GBP6: variants seen among roughly 807,000 people sequenced by gnomAD.
The protein encoded by GBP6 is guanylate binding protein family member 6.
A neutral mutation model predicts 61.5 loss-of-function variants in GBP6; 54 were observed. The ratio of observed to expected loss-of-function variants is 0.88; its 90% CI spans 0.71 to 1.10. The LOEUF (loss-of-function observed/expected upper bound fraction) is 1.10, where lower values mean the gene tolerates loss of function less well. Among genes scored for constraint, GBP6 ranks in the 50% least tolerant of loss-of-function variants. The probability of loss-of-function intolerance (pLI) is 0.00; values close to 1 mark genes in which losing one functional copy is unlikely to be tolerated. For missense variants in GBP6, 748 were observed against 752.8 expected (o/e 0.99, Z 0.07); for synonymous variants, 255 against 273.7 (o/e 0.93, Z 0.67).
intron 1 of GBP6, among the ~76,000 whole-genome samples, chr1:89,366,216 T>A (rs980908267): frequency 1.4e-4 from 22 of 152,228 alleles, no homozygotes; most frequent in Non-Finnish European, 2.8e-4. Flanking sequence ...ATATCTATAA[T>A]TTATCTCCAT....
chr1:89,367,850 G>A (rs2100656866), intron 1 of GBP6, among the ~76,000 whole-genome samples: 1 of 152,314 alleles, frequency 6.6e-6, no homozygotes, highest in South Asian at 2.1e-4. Flanking sequence ...GAACTGGGAA[G>A]TGAAAAACCA....
Position 89,369,635 on chromosome 1 carries a change from G to A in GBP6, c.280G>A (p.Val94Ile). Residue 94 changes from valine (V) to isoleucine (I), a missense_variant, in exon 3 of 11, where the codon GTC (valine) becomes ATC (isoleucine). Transcript: ENST00000370456. ...CCCATCCAAGCCAAACCACACCCTG[G>A]TCCTTCTGGACACCGAAGGTCTGGG... The part of the protein sequence containing the change: ...PHPSKPNHTL[V>I]LLDTEGLGDV... 6.2e-7 allele frequency: 1 copy of A among 1,614,052 alleles called. No homozygotes were observed. The highest frequency in any genetic ancestry group is 2.2e-5 in the East Asian group (1 of 44,876).
intron 3 of GBP6, among the ~76,000 whole-genome samples, chr1:89,371,846 T>A (rs1652653522): frequency 6.6e-6 from 1 of 152,184 alleles, no homozygotes; most frequent in South Asian, 2.1e-4. Context: ...ATAAAGGGTA[T>A]TCAATTAGGA....
intron 3 of GBP6, among the ~76,000 whole-genome samples, chr1:89,376,744 A>G (rs1273164347): frequency 6.6e-6 from 1 of 152,122 alleles, no homozygotes; most frequent in Non-Finnish European, 1.5e-5. Flanking sequence ...TATTTATTTA[A>G]GAATATTATT....
intron 5 of GBP6, among the ~76,000 whole-genome samples, chr1:89,380,111 C>T (rs972964161): frequency 6.6e-6 from 1 of 152,136 alleles, no homozygotes; most frequent in Non-Finnish European, 1.5e-5. Flanking sequence ...GCCCTCTAGC[C>T]TGGGCAATAG....
intron 1 of GBP6, among the ~76,000 whole-genome samples, chr1:89,365,984 T>G (rs568983281): frequency 2.5e-4 from 38 of 152,174 alleles, no homozygotes; most frequent in Non-Finnish European, 4.1e-4. Flanking sequence ...GAAAACCATT[T>G]TAATATAATG....
In GBP6 at chr1:89,370,823, T is replaced by C. The variant is rs576047479; in HGVS notation, c.318+1150T>C. On this transcript the variant is annotated intron_variant, in intron 3 of 10. Coordinates refer to ENST00000370456, the MANE Select transcript of GBP6 (RefSeq NM_198460.3). ...CGTTTTCTTTTTTCTATGCTCTCTT[T>C]TTATTTTTTGGTGTGGTAAGAACAA... 1.5e-3 allele frequency among the ~76,000 whole-genome samples: 225 copies of C among 152,336 alleles called. 1 individual carries two copies. Among genetic ancestry groups the C allele is most frequent in the Non-Finnish European group, 2.6e-3 (175 of 68,028 alleles).
chr1:89,375,295 A>C (rs997805084), intron 3 of GBP6, among the ~76,000 whole-genome samples: 4 of 152,214 alleles, frequency 2.6e-5, no homozygotes, highest in African/African-American at 9.6e-5. Flanking sequence ...CATTACAGAA[A>C]TCCAAATGGA....
chr1:89,369,575 G>A lies in GBP6; in HGVS notation c.220G>A (p.Glu74Lys). The change falls in exon 3 of 11, where the codon GAA (glutamate) becomes AAA (lysine). Residue 74 changes from glutamate (E) to lysine (K), a missense_variant. Coordinates refer to ENST00000370456, the MANE Select transcript of GBP6 (RefSeq NM_198460.3). ...CCCTCTGGGCTCCACGGTGCAGTCT[G>A]AAACCAAGGGCATCTGGATGTGGTG... The part of the protein sequence containing the change: ...GFPLGSTVQS[E>K]TKGIWMWCVP... 6.2e-7 allele frequency: 1 copy of A among 1,614,068 alleles called. No individual in the cohort carries two copies. Among genetic ancestry groups the A allele is most frequent in the Non-Finnish European group, 8.5e-7 (1 of 1,179,962 alleles).
intron 8 of GBP6, 42 bp from the exon 9 acceptor site, chr1:89,383,610 A>C (rs753793898): frequency 2.3e-5 from 32 of 1,379,680 alleles, no homozygotes; most frequent in Non-Finnish European, 3.2e-5. Context: ...CCCAGAACAT[A>C]GATTTTCAAA....
At chr1:89,365,995 G>T (rs754597158) in intron 1 of GBP6, among the ~76,000 whole-genome samples, 2 of 152,064 alleles carry the variant, frequency 1.3e-5, no homozygotes, top group African/African-American at 2.4e-5. Flanking sequence ...TAATATAATG[G>T]CAATAAAAAT....
chr1:89,383,224 A>AT (rs11436969), intron 8 of GBP6, among the ~76,000 whole-genome samples: 121,194 of 152,084 alleles, frequency 0.8, 48,499 homozygotes, highest in African/African-American at 0.88. Context: ...AAGCACCTTT[A>AT]TTTGGAAATT....
chr1:89,378,184 A>G lies in GBP6; in HGVS notation c.400A>G (p.Ile134Val), dbSNP rs1652858165. The change falls in exon 4 of 11, where the codon ATC becomes GTC. Residue 134 changes from isoleucine (I) to valine (V), a missense_variant. By Grantham distance (29) the Ile-to-Val change is conservative. Coordinates refer to ENST00000370456, the MANE Select transcript of GBP6 (RefSeq NM_198460.3). ...CTTTGTCTACAACAGCATGAGCACC[A>G]TCAACCACCAGGCCCTGGAGCAGCT... ...STFVYNSMST[I>V]NHQALEQLHY... 6.2e-7 allele frequency: 1 copy of G among 1,612,688 alleles called. No individual in the cohort carries two copies. Among genetic ancestry groups the G allele is most frequent in the Non-Finnish European group, 8.5e-7 (1 of 1,179,690 alleles).
At chr1:89,378,043 T>G in intron 3 of GBP6, 60 bp from the exon 4 acceptor site, 1 of 1,427,290 alleles carries the variant, frequency 7.0e-7, no homozygotes, top group Non-Finnish European at 9.7e-7. Context: ...ACAAAATAAA[T>G]GTCTCAGTGA....
chr1:89,369,596 T>G lies in GBP6; in HGVS notation c.241T>G (p.Trp81Gly), dbSNP rs1652564898. The change falls in exon 3 of 11, where the codon TGG becomes GGG. Residue 81 changes from tryptophan (W) to glycine (G), a missense_variant. Transcript: ENST00000370456. ...VQSETKGIWMWCVPHPSKPNH... is the reference protein window; with the variant it reads ...VQSETKGIWMGCVPHPSKPNH... ...GTCTGAAACCAAGGGCATCTGGATG[T>G]GGTGCGTGCCCCACCCATCCAAGCC... is the stretch of plus-strand genomic sequence containing the variant. 2 of 1,614,128 alleles carry G rather than the reference T, an allele frequency of 1.2e-6. No individual in the cohort carries two copies. The highest frequency in any genetic ancestry group is 1.7e-6 in the Non-Finnish European group (2 of 1,179,984).
Position 89,378,448 on chromosome 1 carries a change from G to C in GBP6, c.460G>C (p.Ala154Pro), listed in dbSNP as rs780827334. The change falls in exon 5 of 11, where the codon GCA becomes CCA. Residue 154 changes from alanine to proline, a missense_variant. Coordinates refer to ENST00000370456, the MANE Select transcript of GBP6 (RefSeq NM_198460.3). Reference sequence around the variant, plus strand: ...GACGGAGCTCACAGAACTAATTAAGGCAAAGTCCTCCCCAAGGCCTGATGG... The same window carrying C: ...GACGGAGCTCACAGAACTAATTAAGCCAAAGTCCTCCCCAAGGCCTGATGG... Reference protein sequence around the residue: ...YVTELTELIKAKSSPRPDGVE... With the variant: ...YVTELTELIKPKSSPRPDGVE... 2 of 1,614,078 alleles carry C rather than the reference G, an allele frequency of 1.2e-6. No homozygotes were observed. The highest frequency in any genetic ancestry group is 1.7e-6 in the Non-Finnish European group (2 of 1,179,992).
chr1:89,368,042 T>C (rs1652512634), intron 1 of GBP6, among the ~76,000 whole-genome samples: 1 of 152,174 alleles, frequency 6.6e-6, no homozygotes. Flanking sequence ...TTTTTTAAAG[T>C]TGTTTTGTGA....
chr1:89,366,496 C>T (rs1652470883), intron 1 of GBP6, among the ~76,000 whole-genome samples: 2 of 152,098 alleles, frequency 1.3e-5, no homozygotes. Flanking sequence ...CATATAAGGT[C>T]ACACTGATGC....
intron 5 of GBP6, 57 bp from the exon 6 acceptor site, chr1:89,380,329 A>T: frequency 6.6e-7 from 1 of 1,519,852 alleles, no homozygotes; most frequent in Non-Finnish European, 9.1e-7. Context: ...AAATACCTTT[A>T]GCTCCCTTAT....
Sources: allele counts gnomAD v4.1 joint callset (sites outside exome capture counted in the v4.1 genomes callset), GRCh38; gene constraint gnomAD v4.1.1; transcripts MANE v1.5; gene names NCBI Gene and HGNC (gene_info 2026-07-23, HGNC 2026-07-21).